Variants in KIF16B observed in about 807,000 individuals in gnomAD.
The protein encoded by KIF16B is kinesin-like protein KIF16B.
In KIF16B, 98 loss-of-function variants were observed where a neutral mutation model predicts 156.3. The observed-to-expected ratio is 0.63, with a 90% confidence interval of 0.53 to 0.74. The LOEUF is 0.74. Among genes scored for constraint, KIF16B ranks in the 30% least tolerant of loss-of-function variants. The pLI, the probability that KIF16B is intolerant of heterozygous loss-of-function variation, is 0.00. For missense variants in KIF16B, 1,421 were observed against 1,606.5 expected, an observed-to-expected ratio of 0.88 and a Z score of 1.97; for synonymous variants, 564 against 583.7, an observed-to-expected ratio of 0.97 and a Z score of 0.49.
At chr20:16,507,489 T>C (rs2068821211) in intron 7 of KIF16B, among the ~76,000 whole-genome samples, 1 of 152,222 alleles carries the variant, frequency 6.6e-6, no homozygotes, top group African/African-American at 2.4e-5. Context: ...TTGATCATAA[T>C]GAATTCTTAC....
chr20:16,506,285 A>C, intron 7 of KIF16B, 95 bp from the exon 8 acceptor site: 2 of 1,036,764 alleles, frequency 1.9e-6, no homozygotes. Flanking sequence ...CCTCACTGAG[A>C]TCTCTCAGGG....
At chr20:16,430,086 T>C in intron 12 of KIF16B, 104 bp from the exon 13 acceptor site, 1 of 1,206,762 alleles carries the variant, frequency 8.3e-7, no homozygotes, top group African/African-American at 1.5e-5. Context: ...TTATTTCTCA[T>C]CTAAAAAACT....
chr20:16,363,327 T>A (rs1049712587), intron 22 of KIF16B, among the ~76,000 whole-genome samples: 4 of 152,074 alleles, frequency 2.6e-5, no homozygotes, highest in African/African-American at 9.7e-5. Flanking sequence ...TCCATGGAGG[T>A]ACTCAAATTG....
At chr20:16,467,800 G>T (rs978855679) in intron 12 of KIF16B, among the ~76,000 whole-genome samples, 2 of 151,756 alleles carry the variant, frequency 1.3e-5, no homozygotes, top group Non-Finnish European at 2.9e-5. Flanking sequence ...GACAACACTG[G>T]AAAAGGAATA....
intron 2 of KIF16B, among the ~76,000 whole-genome samples, chr20:16,527,928 T>C (rs182692352): frequency 6.6e-6 from 1 of 152,304 alleles, no homozygotes; most frequent in African/African-American, 2.4e-5. Flanking sequence ...TTTTTTTTAA[T>C]CTTTCCTCCC....
At chr20:16,446,421 G>A (rs1380411580) in intron 12 of KIF16B, among the ~76,000 whole-genome samples, 2 of 152,076 alleles carry the variant, frequency 1.3e-5, no homozygotes, top group Non-Finnish European at 2.9e-5. Context: ...ATGTCACTGC[G>A]TACCTTGAGG....
chr20:16,530,457 T>C (rs1944637888), intron 1 of KIF16B, among the ~76,000 whole-genome samples: 1 of 151,954 alleles, frequency 6.6e-6, no homozygotes, highest in African/African-American at 2.4e-5. Context: ...GACGACAGAG[T>C]GAGGACCCCT....
rs372194443 is a variant in KIF16B, at chr20:16,429,011, A to G, written c.1423-7T>C. ...CAACGTATGTCTGACCTTCCTGGGA[A>G]GAAAACCCAAGCAAAATGTATTAGT... On this transcript the variant is annotated splice_region_variant and splice_polypyrimidine_tract_variant and intron_variant, in intron 13 of 25. Transcript: ENST00000354981. The G allele has an allele frequency of 9.9e-6, 16 of 1,610,854 alleles. No individual in the cohort carries two copies. Among genetic ancestry groups the G allele is most frequent in the Non-Finnish European group, 1.4e-5 (16 of 1,177,322 alleles).
chr20:16,530,813 TGCC>T (rs1262025548), intron 1 of KIF16B, among the ~76,000 whole-genome samples: 1 of 152,100 alleles, frequency 6.6e-6, no homozygotes, highest in African/African-American at 2.4e-5. Flanking sequence ...GCGATTATCC[TGCC>T]ATAGCCTCCC....
intron 25 of KIF16B, among the ~76,000 whole-genome samples, chr20:16,291,045 C>T (rs6043869): frequency 0.34 from 51,634 of 152,056 alleles, 8,922 homozygotes; most frequent in African/African-American, 0.41. Context: ...ACATTGAATA[C>T]ATGTACATCC....
chr20:16,466,079 T>A (rs1003018568), intron 12 of KIF16B, among the ~76,000 whole-genome samples: 5 of 152,250 alleles, frequency 3.3e-5, no homozygotes, highest in African/African-American at 4.8e-5. Flanking sequence ...GAAGTTTGTT[T>A]AGCTCATTTG....
intron 24 of KIF16B, among the ~76,000 whole-genome samples, chr20:16,330,669 G>C (rs568101950): frequency 1.2e-4 from 18 of 152,304 alleles, no homozygotes; most frequent in Non-Finnish European, 2.4e-4. Context: ...AGACAATGTT[G>C]CTCATGCTTA....
At chr20:16,350,113 G>C (rs921307294) in intron 23 of KIF16B, among the ~76,000 whole-genome samples, 1 of 152,202 alleles carries the variant, frequency 6.6e-6, no homozygotes, top group Non-Finnish European at 1.5e-5. Flanking sequence ...CTGTTACTAT[G>C]GCACCTAAAC....
chr20:16,538,272 A>G (rs558416067), intron 1 of KIF16B, among the ~76,000 whole-genome samples: 2 of 152,322 alleles, frequency 1.3e-5, no homozygotes, highest in East Asian at 3.9e-4. Context: ...GCTGAAAACT[A>G]CAACGCCAGG....
Position 16,518,998 on chromosome 20 carries a change from T to C in KIF16B, c.232-3334A>G, listed in dbSNP as rs564217390. On this transcript the variant is annotated intron_variant, in intron 3 of 25. Transcript: ENST00000354981. ...CATCTCCAGCACCCGTACAGCCCCA[T>C]GGTCCAATTCTGCTACTATTAAAAG... Among the ~76,000 whole-genome samples, 19 of 152,288 alleles carry C rather than the reference T, an allele frequency of 1.2e-4. No homozygotes were observed. In the South Asian group the frequency reaches 3.9e-3, roughly 32 times the overall value.
intron 1 of KIF16B, among the ~76,000 whole-genome samples, chr20:16,557,078 C>A (rs1009538794): frequency 1.3e-5 from 2 of 149,410 alleles, no homozygotes; most frequent in Non-Finnish European, 3.0e-5. Context: ...TGTAAAATAT[C>A]TCATTAATAC....
intron 12 of KIF16B, among the ~76,000 whole-genome samples, chr20:16,441,105 T>C (rs137985614): frequency 1.9e-3 from 284 of 152,300 alleles, no homozygotes; most frequent in African/African-American, 6.5e-3. Context: ...TCAGGATGGT[T>C]CATCAGAAGA....
intron 23 of KIF16B, among the ~76,000 whole-genome samples, chr20:16,345,725 T>C (rs1021250687): frequency 3.3e-5 from 5 of 152,180 alleles, no homozygotes; most frequent in African/African-American, 4.8e-5. Flanking sequence ...CTACACAGTT[T>C]AGGGATAAAG....
In KIF16B at chr20:16,356,445, AC is replaced by A; in HGVS notation, c.3505del (p.Val1169PhefsTer12). 1 of 1,614,078 alleles carries A rather than the reference AC, an allele frequency of 6.2e-7. No individual in the cohort carries two copies. Among genetic ancestry groups the A allele is most frequent in the Non-Finnish European group, 8.5e-7 (1 of 1,179,962 alleles). ...IQRKLKYERM[V>X]SRSLGANPDD... ...TGGATTTGCGCCCAAAGAGCGAGAA[AC>A]CATCCGCTATCAAAGGCATGTCAGA... On this transcript the variant is annotated frameshift_variant, in exon 23 of 26. Transcript: ENST00000354981. LOFTEE classifies it high-confidence loss of function.
Sources: allele counts gnomAD v4.1 joint callset (sites outside exome capture counted in the v4.1 genomes callset), GRCh38; gene constraint gnomAD v4.1.1; transcripts MANE v1.5; gene names NCBI Gene and HGNC (gene_info 2026-07-23, HGNC 2026-07-21).